Variants in DPYD observed in about 807,000 individuals in gnomAD.
DPYD encodes the protein dihydropyrimidine dehydrogenase, also known as dihydropyrimidine dehydrogenase [NADP(+)].
DPYD carries 109 observed loss-of-function variants against 116.2 expected under a neutral mutation model. The ratio of observed to expected loss-of-function variants is 0.94; its 90% CI spans 0.80 to 1.10. The LOEUF (loss-of-function observed/expected upper bound fraction) is 1.10, where lower values mean the gene tolerates loss of function less well. Ranked by LOEUF, DPYD falls within the 50% of genes least tolerant of loss-of-function variation. The pLI, the probability that DPYD is intolerant of heterozygous loss-of-function variation, is 0.00. For missense variants in DPYD, 1,302 were observed against 1,254.5 expected, an observed-to-expected ratio of 1.04 and a Z score of -0.57; for synonymous variants, 440 against 432.0, an observed-to-expected ratio of 1.02 and a Z score of -0.23.
chr1:97,413,641 T>G (rs1674135793), intron 14 of DPYD, among the ~76,000 whole-genome samples: 1 of 151,992 alleles, frequency 6.6e-6, no homozygotes, highest in South Asian at 2.1e-4. Flanking sequence ...CCTGCCTAAT[T>G]TTTTGTGTTG....
intron 13 of DPYD, among the ~76,000 whole-genome samples, chr1:97,500,038 A>G (rs1679487874): frequency 6.6e-6 from 1 of 152,004 alleles, no homozygotes; most frequent in Non-Finnish European, 1.5e-5. Flanking sequence ...CAATGGATTC[A>G]TTTAATTTAT....
chr1:97,300,023 G>A (rs1666766822), intron 18 of DPYD, among the ~76,000 whole-genome samples: 1 of 152,114 alleles, frequency 6.6e-6, no homozygotes, highest in Non-Finnish European at 1.5e-5. Context: ...TAATAAAATT[G>A]TAATCTAGCA....
intron 3 of DPYD, among the ~76,000 whole-genome samples, chr1:97,811,591 C>T (rs865912696): frequency 7.9e-5 from 12 of 152,276 alleles, no homozygotes; most frequent in Middle Eastern, 3.4e-3. Context: ...GATTAGATCT[C>T]AGCCCCTTGC....
At chr1:97,662,612 G>A (rs934077960) in intron 8 of DPYD, among the ~76,000 whole-genome samples, 14 of 152,060 alleles carry the variant, frequency 9.2e-5, no homozygotes, top group Admixed American at 5.2e-4. Context: ...CAGCCTGGGC[G>A]ACAGATCGAG....
intron 20 of DPYD, among the ~76,000 whole-genome samples, chr1:97,151,379 C>G (rs754178572): frequency 5.3e-5 from 8 of 151,894 alleles, no homozygotes; most frequent in Admixed American, 1.3e-4. Flanking sequence ...TTATCTGGGG[C>G]TGGGTGCAGT....
chr1:97,201,601 A>C (rs888870749), intron 19 of DPYD, among the ~76,000 whole-genome samples: 5 of 152,186 alleles, frequency 3.3e-5, no homozygotes, highest in African/African-American at 1.2e-4. Context: ...CTGGAGATAC[A>C]TAGTAAATAG....
chr1:97,114,675 A>T (rs1651839135), intron 20 of DPYD, among the ~76,000 whole-genome samples: 1 of 152,166 alleles, frequency 6.6e-6, no homozygotes, highest in East Asian at 1.9e-4. Flanking sequence ...TCAATACAGC[A>T]TCACTACGTC....
At chr1:97,404,614 A>G (rs1673548443) in intron 14 of DPYD, among the ~76,000 whole-genome samples, 1 of 152,006 alleles carries the variant, frequency 6.6e-6, no homozygotes, top group African/African-American at 2.4e-5. Flanking sequence ...TACTCCTGCT[A>G]TCTTTAGATT....
At chr1:97,462,921 A>G (rs1677104658) in intron 13 of DPYD, among the ~76,000 whole-genome samples, 1 of 152,166 alleles carries the variant, frequency 6.6e-6, no homozygotes, top group Non-Finnish European at 1.5e-5. Flanking sequence ...CTTCATCTGC[A>G]TAATAAGAAT....
intron 20 of DPYD, among the ~76,000 whole-genome samples, chr1:97,159,808 A>G (rs1168284383): frequency 6.6e-6 from 1 of 152,076 alleles, no homozygotes; most frequent in Non-Finnish European, 1.5e-5. Flanking sequence ...AATGTTAAAT[A>G]GGAATATTAA....
intron 10 of DPYD, among the ~76,000 whole-genome samples, chr1:97,579,867 A>G (rs1653520067): frequency 6.6e-6 from 1 of 152,240 alleles, no homozygotes; most frequent in Admixed American, 6.5e-5. Context: ...TTTACACAGT[A>G]GTGGGAAAGT....
At chr1:97,583,960 C>G (rs2102221065) in intron 10 of DPYD, among the ~76,000 whole-genome samples, 1 of 152,190 alleles carries the variant, frequency 6.6e-6, no homozygotes, top group Middle Eastern at 3.4e-3. Context: ...AATGGTATTT[C>G]TAGTTCTAGA....
chr1:97,823,538 A>C (rs1306419096), intron 3 of DPYD, among the ~76,000 whole-genome samples: 2 of 152,052 alleles, frequency 1.3e-5, no homozygotes, highest in African/African-American at 4.8e-5. Flanking sequence ...TCTACTCTCT[A>C]CTTCTATGAG....
intron 1 of DPYD, among the ~76,000 whole-genome samples, chr1:97,918,640 C>T (rs927574278): frequency 6.6e-6 from 1 of 152,138 alleles, no homozygotes; most frequent in African/African-American, 2.4e-5. Context: ...TTTATATATA[C>T]CTCAATAACT....
chr1:97,645,447 C>G (rs910547215), intron 8 of DPYD, among the ~76,000 whole-genome samples: 6 of 152,040 alleles, frequency 3.9e-5, no homozygotes, highest in Non-Finnish European at 8.8e-5. Flanking sequence ...ATGGATCCAA[C>G]TCCATTACAG....
chr1:97,843,032 C>G (rs981116068), intron 2 of DPYD, among the ~76,000 whole-genome samples: 2 of 152,072 alleles, frequency 1.3e-5, no homozygotes, highest in Non-Finnish European at 2.9e-5. Context: ...AACCCTTCAT[C>G]CTTAAAGACT....
chr1:97,261,831 T>C (rs1268161798), intron 18 of DPYD, among the ~76,000 whole-genome samples: 3 of 152,032 alleles, frequency 2.0e-5, no homozygotes, highest in Non-Finnish European at 4.4e-5. Flanking sequence ...AGTGTGTTTC[T>C]GACATTAAAA....
intron 19 of DPYD, among the ~76,000 whole-genome samples, chr1:97,225,266 T>C (rs1661063543): frequency 6.6e-6 from 1 of 152,068 alleles, no homozygotes; most frequent in Non-Finnish European, 1.5e-5. Flanking sequence ...TTTGCTATTT[T>C]TATCTTGTTT....
chr1:97,384,266 T>C (rs1400475911), intron 14 of DPYD, among the ~76,000 whole-genome samples: 28 of 150,702 alleles, frequency 1.9e-4, no homozygotes, highest in Admixed American at 1.5e-3. Context: ...AAAAAAGATA[T>C]GCTGTAAAAG....
Sources: allele counts gnomAD v4.1 joint callset (sites outside exome capture counted in the v4.1 genomes callset), GRCh38; gene constraint gnomAD v4.1.1; transcripts MANE v1.5; gene names NCBI Gene and HGNC (gene_info 2026-07-23, HGNC 2026-07-21).